Variants in CASP4 observed in about 807,000 individuals in gnomAD.
The protein encoded by CASP4 is caspase-4.
CASP4 carries 29 observed loss-of-function variants against 41.3 expected under a neutral mutation model. The ratio of observed to expected loss-of-function variants is 0.70; its 90% CI spans 0.52 to 0.96. CASP4 has a LOEUF of 0.96. Ranked by LOEUF, CASP4 falls within the 40% of genes least tolerant of loss-of-function variation. The probability of loss-of-function intolerance (pLI) is 0.00; values close to 1 mark genes in which losing one functional copy is unlikely to be tolerated. For synonymous variants in CASP4, 185 were observed against 158.4 expected, an observed-to-expected ratio of 1.17 and a Z score of -1.26; for missense variants, 447 against 460.6, an observed-to-expected ratio of 0.97 and a Z score of 0.27.
intron 7 of CASP4, among the ~76,000 whole-genome samples, chr11:104,945,200 C>A (rs1389097773): frequency 2.0e-5 from 3 of 152,026 alleles, no homozygotes; most frequent in Non-Finnish European, 4.4e-5. Flanking sequence ...TCAACACTCA[C>A]CAAGGCTGAT....
At chr11:104,948,740 C>T in intron 5 of CASP4, 64 bp from the exon 6 acceptor site, 1 of 1,450,482 alleles carries the variant, frequency 6.9e-7, no homozygotes, top group Non-Finnish European at 9.3e-7. Flanking sequence ...CACAGTTGCC[C>T]ACCTTGTTCT....
intron 7 of CASP4, 43 bp downstream of exon 7, chr11:104,947,040 C>A: frequency 7.4e-7 from 1 of 1,356,986 alleles, no homozygotes. Flanking sequence ...ATGACAAATT[C>A]TTCCTGAAGA....
intron 1 of CASP4, among the ~76,000 whole-genome samples, chr11:104,965,675 C>T (rs974046010): frequency 9.2e-5 from 14 of 152,196 alleles, no homozygotes; most frequent in Admixed American, 5.2e-4. Flanking sequence ...AGCCTTTTCT[C>T]GAAAAGACCC....
intron 1 of CASP4, among the ~76,000 whole-genome samples, chr11:104,966,210 G>C (rs1860971665): frequency 6.6e-6 from 1 of 152,190 alleles, no homozygotes. Flanking sequence ...CCCACCTGGT[G>C]ATTACAAATT....
intron 3 of CASP4, chr11:104,951,412 C>A: frequency 3.9e-6 from 1 of 257,110 alleles, no homozygotes. Flanking sequence ...TTGTCGTTGA[C>A]TCCAGTGAAA....
chr11:104,953,418 A>G (rs566360593), intron 2 of CASP4, among the ~76,000 whole-genome samples: 2 of 152,268 alleles, frequency 1.3e-5, no homozygotes, highest in East Asian at 3.9e-4. Context: ...TGAAGCCTCT[A>G]TTACTTCTAT....
intron 4 of CASP4, 29 bp from the exon 5 acceptor site, chr11:104,949,806 C>T (rs1339747495): frequency 6.2e-7 from 1 of 1,600,228 alleles, no homozygotes; most frequent in South Asian, 1.1e-5. Context: ...TAACTTCAGT[C>T]AGAGAAGCAT....
chr11:104,953,103 T>C (rs2134643692), intron 2 of CASP4, among the ~76,000 whole-genome samples: 1 of 152,336 alleles, frequency 6.6e-6, no homozygotes, highest in South Asian at 2.1e-4. Flanking sequence ...ATAGAATTTC[T>C]ATCTTACATC....
intron 1 of CASP4, among the ~76,000 whole-genome samples, chr11:104,962,054 TG>T (rs1391208560): frequency 1.3e-5 from 2 of 152,202 alleles, no homozygotes; most frequent in East Asian, 3.9e-4. Flanking sequence ...GTGTCTGTTT[TG>T]TTATGTGAAT....
At chr11:104,952,029 A>G (rs773890001) in intron 2 of CASP4, 24 bp from the exon 3 acceptor site, 3 of 1,474,818 alleles carry the variant, frequency 2.0e-6, no homozygotes, top group Non-Finnish European at 2.8e-6. Context: ...CAGAACATAA[A>G]TTGTGATTTC....
chr11:104,959,337 C>A (rs893570522), intron 1 of CASP4, among the ~76,000 whole-genome samples: 4 of 152,092 alleles, frequency 2.6e-5, no homozygotes, highest in African/African-American at 9.7e-5. Flanking sequence ...CCAGGCCAGG[C>A]ACCAAAACAC....
intron 2 of CASP4, among the ~76,000 whole-genome samples, chr11:104,953,838 A>G (rs753380032): frequency 6.6e-6 from 1 of 152,154 alleles, no homozygotes; most frequent in Non-Finnish European, 1.5e-5. Context: ...TCTGGGTCAA[A>G]AGTTCCAAAA....
intron 1 of CASP4, among the ~76,000 whole-genome samples, chr11:104,965,626 G>A (rs1295790343): frequency 6.6e-6 from 1 of 152,166 alleles, no homozygotes; most frequent in Non-Finnish European, 1.5e-5. Context: ...CTTTGGGAAG[G>A]AATTCAGTTC....
chr11:104,965,839 A>G (rs1284425287), intron 1 of CASP4, among the ~76,000 whole-genome samples: 1 of 152,146 alleles, frequency 6.6e-6, no homozygotes, highest in Non-Finnish European at 1.5e-5. Context: ...AAAATCTAAT[A>G]TCAGCACTTA....
intron 1 of CASP4, among the ~76,000 whole-genome samples, chr11:104,957,214 G>A (rs1242070331): frequency 1.3e-5 from 2 of 151,606 alleles, no homozygotes; most frequent in Admixed American, 1.3e-4. Context: ...AAAATTGCAG[G>A]ATAAAAAAAA....
intron 7 of CASP4, among the ~76,000 whole-genome samples, 153 bp from the exon 8 acceptor site, chr11:104,945,004 C>G (rs1860421055): frequency 6.6e-6 from 1 of 152,122 alleles, no homozygotes; most frequent in Admixed American, 6.5e-5. Context: ...AACATTGTAC[C>G]CTACCTCTTA....
At chr11:104,968,234 C>T (rs1377822092) in intron 1 of CASP4, among the ~76,000 whole-genome samples, 1 of 152,180 alleles carries the variant, frequency 6.6e-6, no homozygotes, top group Admixed American at 6.5e-5. Context: ...CTAGAATTGT[C>T]TCACACAAAT....
At chr11:104,949,506 C>T (rs1353467992) in intron 5 of CASP4, 37 bp downstream of exon 5, 10 of 1,599,028 alleles carry the variant, frequency 6.3e-6, no homozygotes, top group Non-Finnish European at 8.6e-6. Flanking sequence ...TCTGCATACA[C>T]CTTCATAACT....
intron 1 of CASP4, among the ~76,000 whole-genome samples, 156 bp from the exon 2 acceptor site, chr11:104,955,157 T>C (rs1342422272): frequency 6.6e-6 from 1 of 152,156 alleles, no homozygotes; most frequent in African/African-American, 2.4e-5. Flanking sequence ...ATTCATCATA[T>C]TCCTACCAGG....
Sources: gnomAD v4.1 joint callset for allele counts (sites outside exome capture counted in the v4.1 genomes callset) on GRCh38, gnomAD v4.1.1 for gene constraint, MANE v1.5 for transcripts, NCBI Gene and HGNC (gene_info 2026-07-23, HGNC 2026-07-21) for gene names.